Variants in LRMDA observed in about 807,000 individuals in gnomAD.
The protein encoded by LRMDA is leucine rich melanocyte differentiation associated, also known as leucine-rich melanocyte differentiation-associated protein.
LRMDA carries 18 observed loss-of-function variants against 29.8 expected under a neutral mutation model. That is an observed-to-expected ratio of 0.60 (90% CI 0.42 to 0.90). LRMDA has a LOEUF of 0.90. LRMDA is among the 40% of genes least tolerant of loss of function. The probability of loss-of-function intolerance (pLI) is 0.00; values close to 1 mark genes in which losing one functional copy is unlikely to be tolerated. For synonymous variants in LRMDA, 125 were observed against 109.4 expected, an observed-to-expected ratio of 1.14 and a Z score of -0.89; for missense variants, 273 against 273.9, an observed-to-expected ratio of 1.00 and a Z score of 0.02.
chr10:75,622,003 C>T (rs1261847753), intron 2 of LRMDA, among the ~76,000 whole-genome samples: 7 of 152,086 alleles, frequency 4.6e-5, no homozygotes, highest in South Asian at 2.1e-4. Context: ...ACACATAATC[C>T]GGGGGCCTCA....
intron 4 of LRMDA, among the ~76,000 whole-genome samples, chr10:76,055,265 C>T (rs1027322038): frequency 1.3e-5 from 2 of 151,880 alleles, no homozygotes; most frequent in African/African-American, 4.8e-5. Context: ...AGTCAAATTT[C>T]CAGGACACCA....
chr10:75,557,330 A>AC (rs1308955613), intron 2 of LRMDA, among the ~76,000 whole-genome samples: 1 of 151,380 alleles, frequency 6.6e-6, no homozygotes, highest in Non-Finnish European at 1.5e-5. Flanking sequence ...AAAAAAAAAA[A>AC]AGTAAAATGG....
At chr10:76,303,616 A>G (rs1840510544) in intron 5 of LRMDA, among the ~76,000 whole-genome samples, 1 of 152,046 alleles carries the variant, frequency 6.6e-6, no homozygotes, top group Non-Finnish European at 1.5e-5. Context: ...GATAGTTGTC[A>G]ATCTAAGCTA....
At chr10:76,420,401 T>C (rs958577900) in intron 6 of LRMDA, among the ~76,000 whole-genome samples, 1 of 152,006 alleles carries the variant, frequency 6.6e-6, no homozygotes, top group African/African-American at 2.4e-5. Context: ...TTTTCTGATA[T>C]TGTAATTTGG....
At chr10:75,956,249 T>C (rs1452570539) in intron 2 of LRMDA, among the ~76,000 whole-genome samples, 1 of 152,192 alleles carries the variant, frequency 6.6e-6, no homozygotes, top group Admixed American at 6.5e-5. Context: ...GAATGAACTG[T>C]GTGGATTATT....
chr10:76,023,442 G>A (rs1235434383), intron 2 of LRMDA, among the ~76,000 whole-genome samples: 1 of 151,670 alleles, frequency 6.6e-6, no homozygotes, highest in Non-Finnish European at 1.5e-5. Flanking sequence ...TCTTTTTTTG[G>A]CCATCTGAGG....
intron 2 of LRMDA, among the ~76,000 whole-genome samples, chr10:75,477,803 G>A (rs930206036): frequency 1.3e-5 from 2 of 152,232 alleles, no homozygotes; most frequent in African/African-American, 2.4e-5. Flanking sequence ...TAATTCATGA[G>A]GGAGGACTGT....
intron 2 of LRMDA, among the ~76,000 whole-genome samples, chr10:75,771,577 T>G (rs1457759026): frequency 1.3e-5 from 2 of 151,774 alleles, no homozygotes; most frequent in Admixed American, 1.3e-4. Context: ...AGCTTTAAGG[T>G]GAGGTTGAAG....
rs939888261 is a variant in LRMDA, at chr10:76,004,821, A to G, written c.132-31187A>G. ...TGGCTCACTGCAAGCTCCGCCTCCC[A>G]GGTTCATGCCATTCTCCTGCTTCAG... is the stretch of plus-strand genomic sequence containing the variant. On this transcript the variant is annotated intron_variant, in intron 2 of 6. Transcript: ENST00000611255. 3.4e-5 allele frequency among the ~76,000 whole-genome samples: 5 copies of G among 145,742 alleles called. No homozygotes were observed. The Admixed American group carries it at 3.6e-4, about 10-fold the overall frequency.
intron 2 of LRMDA, among the ~76,000 whole-genome samples, chr10:75,557,641 A>T (rs369281119): frequency 6.6e-6 from 1 of 152,206 alleles, no homozygotes; most frequent in African/African-American, 2.4e-5. Context: ...AGTGAGAGCC[A>T]CAACTGGCTC....
chr10:76,389,055 T>C (rs1477910082), intron 6 of LRMDA, among the ~76,000 whole-genome samples: 1 of 152,180 alleles, frequency 6.6e-6, no homozygotes, highest in Non-Finnish European at 1.5e-5. Flanking sequence ...GAAGGCTCCC[T>C]TGAAGAAGTG....
chr10:75,517,359 G>A (rs552558047), intron 2 of LRMDA, among the ~76,000 whole-genome samples: 3 of 152,090 alleles, frequency 2.0e-5, no homozygotes, highest in East Asian at 1.9e-4. Context: ...ATTTGTTTGT[G>A]TCCTCTTTTA....
At chr10:75,676,760 A>G (rs1003472394) in intron 2 of LRMDA, among the ~76,000 whole-genome samples, 2 of 152,098 alleles carry the variant, frequency 1.3e-5, no homozygotes, top group African/African-American at 2.4e-5. Context: ...TGCTTCCATC[A>G]TTATAGTTTT....
chr10:75,444,630 T>C (rs998269648), intron 2 of LRMDA, among the ~76,000 whole-genome samples: 2 of 152,220 alleles, frequency 1.3e-5, no homozygotes, highest in African/African-American at 4.8e-5. Context: ...TGAAATTGAA[T>C]GCATTAGTGA....
chr10:76,194,160 G>A (rs903026886), intron 5 of LRMDA, among the ~76,000 whole-genome samples: 8 of 152,204 alleles, frequency 5.3e-5, no homozygotes, highest in Non-Finnish European at 1.2e-4. Context: ...AGAATTTTGA[G>A]TCTGTTGCAG....
intron 6 of LRMDA, among the ~76,000 whole-genome samples, chr10:76,428,234 G>C (rs1047184403): frequency 6.6e-6 from 1 of 151,868 alleles, no homozygotes; most frequent in Admixed American, 6.6e-5. Context: ...TCTTCATTGA[G>C]AGAGAGAGAG....
At chr10:76,327,501 G>A (rs1840850762) in intron 6 of LRMDA, among the ~76,000 whole-genome samples, 1 of 152,236 alleles carries the variant, frequency 6.6e-6, no homozygotes, top group Admixed American at 6.5e-5. Context: ...TATTAGGCCA[G>A]TGTTCCCTGT....
intron 2 of LRMDA, among the ~76,000 whole-genome samples, chr10:75,972,060 G>T (rs1200708737): frequency 6.6e-6 from 1 of 152,218 alleles, no homozygotes; most frequent in African/African-American, 2.4e-5. Context: ...AAGAAAGGGG[G>T]AGTGAGATCT....
At chr10:75,703,653 T>C (rs1842334294) in intron 2 of LRMDA, among the ~76,000 whole-genome samples, 1 of 152,224 alleles carries the variant, frequency 6.6e-6, no homozygotes, top group Non-Finnish European at 1.5e-5. Context: ...TGTCACATCC[T>C]TCATGATGTT....
Sources: gnomAD v4.1 joint callset for allele counts (sites outside exome capture counted in the v4.1 genomes callset) on GRCh38, gnomAD v4.1.1 for gene constraint, MANE v1.5 for transcripts, NCBI Gene and HGNC (gene_info 2026-07-23, HGNC 2026-07-21) for gene names.